The following PRPF19 variants were observed in gnomAD, a reference collection of about 807,000 sequenced individuals.
PRPF19 encodes the protein pre-mRNA processing factor 19, also known as pre-mRNA-processing factor 19.
A neutral mutation model predicts 64.2 loss-of-function variants in PRPF19; 2 were observed. The observed-to-expected ratio is 0.03, with a 90% CI of 0.01 to 0.10. The LOEUF is 0.10. Among genes scored for constraint, PRPF19 ranks in the 10% least tolerant of loss-of-function variants. The pLI is 1.00. For synonymous variants in PRPF19, 226 were observed against 251.6 expected (o/e 0.90, Z 0.96); for missense variants, 314 against 650.0 (o/e 0.48, Z 5.62).
At position 60,898,351 on chromosome 11, in the gene PRPF19, G is replaced by C. The variant is rs1215463685; in HGVS notation, c.1141-80C>G. Reference sequence around the variant, plus strand: ...AATGGGGCTCACCAAACTCCTACCTGAGATGTCCCTCACGTCCTTCCAGGA... The same window carrying C: ...AATGGGGCTCACCAAACTCCTACCTCAGATGTCCCTCACGTCCTTCCAGGA... On this transcript the variant is annotated intron_variant, in intron 13 of 15. Transcript: ENST00000227524. The surrounding 1 kb of genome is among the most constrained non-coding windows in gnomAD (Gnocchi z 4.6). 5 of 1,552,556 alleles carry C rather than the reference G, an allele frequency of 3.2e-6. No homozygotes were observed. The African/African-American group carries it at 5.5e-5, about 17-fold the overall frequency.
At chr11:60,896,495 G>A (rs1855921730) in intron 15 of PRPF19, among the ~76,000 whole-genome samples, 1 of 152,164 alleles carries the variant, frequency 6.6e-6, no homozygotes, top group Non-Finnish European at 1.5e-5. Flanking sequence ...TCATGGGGGT[G>A]GTTACCCCCA....
At chr11:60,900,813 C>G in intron 9 of PRPF19, 41 bp downstream of exon 9, 1 of 1,611,176 alleles carries the variant, frequency 6.2e-7, no homozygotes, top group Non-Finnish European at 8.5e-7. Flanking sequence ...CCCTGCTGCC[C>G]CTCCCCACTT....
chr11:60,901,567 ACAAATCATCTTG>A (rs750351288), intron 6 of PRPF19, 27 bp from the exon 7 acceptor site: 94 of 1,613,476 alleles, frequency 5.8e-5, no homozygotes, highest in Non-Finnish European at 6.8e-6. Flanking sequence ...TCAATGTGAG[ACAAATCATCTTG>A]CAAGGAGAAA....
At chr11:60,896,098 A>T (rs565989778) in intron 15 of PRPF19, among the ~76,000 whole-genome samples, 1 of 152,346 alleles carries the variant, frequency 6.6e-6, no homozygotes, top group South Asian at 2.1e-4. Flanking sequence ...GCTTGGGGCA[A>T]GGTTGCCAAA....
In PRPF19 at chr11:60,902,385, G is replaced by T. The variant is rs183909262; in HGVS notation, c.525+18C>A. On this transcript the variant is annotated intron_variant, in intron 6 of 15. Transcript: ENST00000227524. This position sits in a 1 kb window ranked among gnomAD's most constrained non-coding sequence, Gnocchi z 5.0. ...TAAGGGCCCATCAGCACTCCCACCA[G>T]GTGAGAGCAGGACTTACCTTCTGAA... The T allele has an allele frequency of 2.0e-5, 33 of 1,611,070 alleles. No homozygotes were observed. The highest frequency in any genetic ancestry group is 3.6e-4 in the Middle Eastern group (2 of 5,618).
At position 60,902,294 on chromosome 11, in the gene PRPF19, G is replaced by A. The variant is rs1855991073; in HGVS notation, c.525+109C>T. The A allele has an allele frequency of 4.0e-6, 5 of 1,239,578 alleles. No homozygotes were observed. In the East Asian group the frequency reaches 7.1e-5, roughly 18 times the overall value. The allele number at this position is 1,239,578 out of a possible 1,614,324, so 76.8% of individuals were successfully genotyped here. A position where few individuals can be genotyped will look rare whatever the true frequency, so the allele number is the denominator to read the frequency against. The stretch of plus-strand genomic sequence containing the variant: ...AATCTGGTCCCAGGGTCCATGCTCT[G>A]CACCACTCAACTCCCAAAAGCACAG... On this transcript the variant is annotated intron_variant, in intron 6 of 15. Transcript: ENST00000227524. The surrounding 1 kb of genome is among the most constrained non-coding windows in gnomAD (Gnocchi z 5.0).
intron 9 of PRPF19, 65 bp downstream of exon 9, chr11:60,900,789 G>A (rs1186722175): frequency 1.2e-6 from 2 of 1,600,636 alleles, no homozygotes; most frequent in Non-Finnish European, 1.7e-6. Flanking sequence ...AAGAGGACAA[G>A]GAGCATGCGC....
At chr11:60,893,168 AAACAAAT>A in intron 15 of PRPF19, among the ~76,000 whole-genome samples, 1 of 152,244 alleles carries the variant, frequency 6.6e-6, no homozygotes, top group Admixed American at 6.5e-5. Flanking sequence ...ATACAGGTAT[AAACAAAT>A]CTACTACACT....
intron 1 of PRPF19, among the ~76,000 whole-genome samples, chr11:60,904,281 C>G (rs1330244816): frequency 6.6e-6 from 1 of 152,202 alleles, no homozygotes; most frequent in Admixed American, 6.5e-5. Flanking sequence ...TAGCTCCAGA[C>G]AGATTATCAA....
At chr11:60,901,223 C>T in intron 8 of PRPF19, 72 bp downstream of exon 8, 1 of 1,520,004 alleles carries the variant, frequency 6.6e-7, no homozygotes, top group Non-Finnish European at 9.1e-7. Context: ...CAGCACTCCC[C>T]ATGCTGGCCC....
At position 60,891,107 on chromosome 11, in the gene PRPF19, A is replaced by T. The variant is rs1855853806; in HGVS notation, c.*59T>A. Reference sequence around the variant, plus strand: ...TAGATTCCCCCCACCCCCCCCCCCAAACCCTAATTCTACCCCTCTACTGAG... The same window carrying T: ...TAGATTCCCCCCACCCCCCCCCCCATACCCTAATTCTACCCCTCTACTGAG... On this transcript the variant is annotated 3_prime_UTR_variant, in exon 16 of 16. Coordinates refer to ENST00000227524, the MANE Select transcript of PRPF19 (RefSeq NM_014502.5). The T allele has an allele frequency of 7.6e-6, 1 of 132,390 alleles. No homozygotes were observed. Among genetic ancestry groups the T allele is most frequent in the Non-Finnish European group, 1.3e-5 (1 of 75,476 alleles). The allele number at this position is 132,390 out of a possible 1,614,324, so 8.2% of individuals were successfully genotyped here.
intron 14 of PRPF19, 31 bp from the exon 15 acceptor site, chr11:60,897,982 C>T: frequency 6.2e-7 from 1 of 1,611,422 alleles, no homozygotes; most frequent in Non-Finnish European, 8.5e-7. Context: ...GAAGGTCACA[C>T]AAGGGGAACA....
chr11:60,891,753 T>G (rs1855860977), intron 15 of PRPF19, among the ~76,000 whole-genome samples: 1 of 152,194 alleles, frequency 6.6e-6, no homozygotes, highest in Non-Finnish European at 1.5e-5. Flanking sequence ...AAATTCCTTC[T>G]AGATTTAGGA....
At chr11:60,899,375 G>C (rs1855957257) in intron 10 of PRPF19, 71 bp from the exon 11 acceptor site, 1 of 1,483,654 alleles carries the variant, frequency 6.7e-7, no homozygotes, top group African/African-American at 1.4e-5. Flanking sequence ...TTATAAAACG[G>C]GGCTGGGGAT....
Position 60,902,915 on chromosome 11 carries a change from G to A in PRPF19, c.247-34C>T, listed in dbSNP as rs879051714. On this transcript the variant is annotated intron_variant, in intron 3 of 15. Coordinates refer to ENST00000227524, the MANE Select transcript of PRPF19 (RefSeq NM_014502.5). The surrounding 1 kb of genome is among the most constrained non-coding windows in gnomAD (Gnocchi z 5.0). ...AGCAAATATCATTGTAAGGTGAGGT[G>A]GGGGGTGCAGGGAGTACCCAGTGGA... 6.2e-7 allele frequency: 1 copy of A among 1,604,508 alleles called. No homozygotes were observed. The highest frequency in any genetic ancestry group is 2.2e-5 in the East Asian group (1 of 44,788).
chr11:60,905,881 T>C (rs1856040018), intron 1 of PRPF19, among the ~76,000 whole-genome samples: 1 of 152,220 alleles, frequency 6.6e-6, no homozygotes, highest in Non-Finnish European at 1.5e-5. Context: ...TACCTCTAAC[T>C]CATCATGTGA....
Position 60,902,962 on chromosome 11 carries a change from G to A in PRPF19, c.247-81C>T. On this transcript the variant is annotated intron_variant, in intron 3 of 15. Transcript: ENST00000227524. The surrounding 1 kb of genome is among the most constrained non-coding windows in gnomAD (Gnocchi z 5.0). ...TGGAGTCAGCCCTTGGGGAGGGGAT[G>A]CTGCCTCCTATCCCAGAGCCTAGAC... 2 of 1,550,216 alleles carry A rather than the reference G, an allele frequency of 1.3e-6. No individual in the cohort carries two copies. Among genetic ancestry groups the A allele is most frequent in the Non-Finnish European group, 1.7e-6 (2 of 1,150,834 alleles).
chr11:60,892,468 C>T (rs78560742), intron 15 of PRPF19, among the ~76,000 whole-genome samples: 208 of 152,274 alleles, frequency 1.4e-3, no homozygotes, highest in Non-Finnish European at 2.4e-3. Context: ...CCCCGATTTA[C>T]CATGGTTCAA....
At chr11:60,897,154 T>C (rs1855931235) in intron 15 of PRPF19, among the ~76,000 whole-genome samples, 1 of 152,248 alleles carries the variant, frequency 6.6e-6, no homozygotes, top group South Asian at 2.1e-4. Flanking sequence ...ACTATACCAG[T>C]GTACCATTTT....
Sources: gnomAD v4.1 joint callset for allele counts (sites outside exome capture counted in the v4.1 genomes callset) on GRCh38, gnomAD v4.1.1 for gene constraint, Gnocchi (gnomAD v3.1) non-coding constraint, MANE v1.5 for transcripts, NCBI Gene and HGNC (gene_info 2026-07-23, HGNC 2026-07-21) for gene names.